DAP3: variants seen among roughly 807,000 people sequenced by gnomAD.
The protein encoded by DAP3 is small ribosomal subunit protein mS29.
DAP3 carries 28 observed loss-of-function variants against 51.9 expected under a neutral mutation model. The ratio of observed to expected loss-of-function variants is 0.54; its 90% CI spans 0.40 to 0.74. The LOEUF (loss-of-function observed/expected upper bound fraction) is 0.74, where lower values mean the gene tolerates loss of function less well. Among genes scored for constraint, DAP3 ranks in the 30% least tolerant of loss-of-function variants. The pLI is 0.00. For missense variants in DAP3, 458 were observed against 483.5 expected (o/e 0.95, Z 0.49); for synonymous variants, 170 against 170.3 (o/e 1.00, Z 0.01).
chr1:155,688,803 C>G, upstream of DAP3: 1 of 1,553,534 alleles, frequency 6.4e-7, no homozygotes, highest in Non-Finnish European at 8.7e-7. Flanking sequence ...TCCCACAGTC[C>G]CCACCGCGGG....
chr1:155,731,799 C>T, intron 10 of DAP3, 145 bp from the exon 11 acceptor site: 2 of 723,936 alleles, frequency 2.8e-6, no homozygotes, highest in Non-Finnish European at 4.4e-6. Context: ...TCTGGAATAA[C>T]CAATTTAGTT....
intron 1 of DAP3, among the ~76,000 whole-genome samples, chr1:155,704,741 G>T (rs1655733069): frequency 6.6e-6 from 1 of 152,104 alleles, no homozygotes; most frequent in Non-Finnish European, 1.5e-5. Flanking sequence ...ATACTTTGGG[G>T]GGCTGAGGCG....
chr1:155,702,790 G>A (rs112385466), intron 1 of DAP3, among the ~76,000 whole-genome samples: 5 of 152,208 alleles, frequency 3.3e-5, no homozygotes, highest in African/African-American at 7.2e-5. Context: ...CCAAGATGGC[G>A]AAACTCCGTC....
upstream of DAP3, chr1:155,688,722 C>G: frequency 3.3e-6 from 5 of 1,519,408 alleles, no homozygotes; most frequent in Non-Finnish European, 4.4e-6. Context: ...CCTCCCCGCC[C>G]GCACGGCCAC....
At chr1:155,718,743 GATAGAT>G (rs1003549013) in intron 3 of DAP3, among the ~76,000 whole-genome samples, 3 of 139,192 alleles carry the variant, frequency 2.2e-5, no homozygotes, top group East Asian at 1.9e-4. Context: ...TAGATAGATA[GATAGAT>G]ATAGATATAG....
At chr1:155,708,497 C>A (rs1656268278) in intron 1 of DAP3, among the ~76,000 whole-genome samples, 1 of 150,404 alleles carries the variant, frequency 6.6e-6, no homozygotes, top group South Asian at 2.1e-4. Context: ...GCCTATTTAA[C>A]ATTTGCTATT....
chr1:155,709,840 C>G lies in DAP3; in HGVS notation c.45+16C>G, dbSNP rs765613275. On this transcript the variant is annotated intron_variant, in intron 2 of 12. Coordinates refer to ENST00000368336, the MANE Select transcript of DAP3 (RefSeq NM_004632.4). Reference sequence around the variant, plus strand: ...GATCCATAAGGTGAGTCCTGACTGACCTGAACACTCTGTGCATACTGCCTT... The same window carrying G: ...GATCCATAAGGTGAGTCCTGACTGAGCTGAACACTCTGTGCATACTGCCTT... The G allele has an allele frequency of 3.7e-6, 6 of 1,611,832 alleles. No individual in the cohort carries two copies. Among genetic ancestry groups the G allele is most frequent in the South Asian group, 1.1e-5 (1 of 90,874 alleles).
chr1:155,725,514 C>T lies in DAP3; in HGVS notation c.379+24C>T, dbSNP rs748673513. 2.5e-6 allele frequency: 4 copies of T among 1,577,726 alleles called. No homozygotes were observed. In the South Asian group the frequency reaches 4.4e-5, roughly 17 times the overall value. ...GTGTATCCTTTCCTGCCTGCGTGGACCCTCATGAACCAATGCTTTCTCCCC... is the reference window on the plus strand; with the variant it reads ...GTGTATCCTTTCCTGCCTGCGTGGATCCTCATGAACCAATGCTTTCTCCCC... On this transcript the variant is annotated intron_variant, in intron 5 of 12. Transcript: ENST00000368336.
At chr1:155,723,912 G>T (rs1223475120) in intron 4 of DAP3, among the ~76,000 whole-genome samples, 1 of 151,962 alleles carries the variant, frequency 6.6e-6, no homozygotes, top group Admixed American at 6.6e-5. Context: ...GGTGGCACAC[G>T]CCTGTAGTCA....
intron 3 of DAP3, among the ~76,000 whole-genome samples, chr1:155,720,658 A>C (rs1462927911): frequency 6.6e-6 from 1 of 151,898 alleles, no homozygotes; most frequent in Admixed American, 6.6e-5. Context: ...CAAAAAAAAA[A>C]CAAAACAAAC....
intron 1 of DAP3, among the ~76,000 whole-genome samples, chr1:155,695,930 A>G (rs1654455805): frequency 6.6e-6 from 1 of 152,230 alleles, no homozygotes; most frequent in South Asian, 2.1e-4. Flanking sequence ...TAAGAACTGG[A>G]AAATTTTATT....
At chr1:155,692,267 A>G (rs1267561270) in intron 1 of DAP3, among the ~76,000 whole-genome samples, 1 of 141,742 alleles carries the variant, frequency 7.1e-6, no homozygotes, top group Admixed American at 6.6e-5. Context: ...CATAATGGCG[A>G]TAAGAAGGCT....
Position 155,689,103 on chromosome 1 carries a change from C to G in DAP3, c.-79C>G, listed in dbSNP as rs1272347885. The G allele has an allele frequency of 7.5e-7, 1 of 1,332,224 alleles. No homozygotes were observed. The highest frequency in any genetic ancestry group is 1.0e-6 in the Non-Finnish European group (1 of 966,528). 82.5% of individuals were successfully genotyped at this position (1,332,224 alleles called of 1,614,324 possible). ...CCGACCCTTTTTTGCAGTCTCAGGA[C>G]GGGCGCTTTGGAGCCGGCCCCAGGC... On this transcript the variant is annotated 5_prime_UTR_variant, in exon 1 of 13. Transcript: ENST00000368336.
At chr1:155,715,058 C>T (rs781625037) in intron 2 of DAP3, among the ~76,000 whole-genome samples, 1 of 151,990 alleles carries the variant, frequency 6.6e-6, no homozygotes, top group Non-Finnish European at 1.5e-5. Flanking sequence ...GAAAAATTAG[C>T]TGGGCATGGT....
In DAP3 at chr1:155,726,168, C is replaced by T. The variant is rs1571542421; in HGVS notation, c.472+149C>T. The T allele has an allele frequency of 2.8e-5, 17 of 601,026 alleles. No individual in the cohort carries two copies. The South Asian group carries it at 4.0e-4, about 14-fold the overall frequency. The allele number at this position is 601,026 out of a possible 1,614,324, so 37.2% of individuals were successfully genotyped here. A position where few individuals can be genotyped will look rare whatever the true frequency, so the allele number is the denominator to read the frequency against. Reference sequence around the variant, plus strand: ...CGCTCTTGTCGGCCAGTCTGGAGTGCAGAGGCGCAATCTCAGGTCACCGCA... The same window carrying T: ...CGCTCTTGTCGGCCAGTCTGGAGTGTAGAGGCGCAATCTCAGGTCACCGCA... On this transcript the variant is annotated intron_variant, in intron 6 of 12. Coordinates refer to ENST00000368336, the MANE Select transcript of DAP3 (RefSeq NM_004632.4).
At chr1:155,708,551 T>C (rs1368328322) in intron 1 of DAP3, among the ~76,000 whole-genome samples, 1 of 145,868 alleles carries the variant, frequency 6.9e-6, no homozygotes, top group African/African-American at 2.5e-5. Flanking sequence ...TTTTTTTTTT[T>C]TTTTTTTTGA....
chr1:155,697,236 G>A (rs1654645271), intron 1 of DAP3, among the ~76,000 whole-genome samples: 1 of 152,144 alleles, frequency 6.6e-6, no homozygotes, highest in African/African-American at 2.4e-5. Flanking sequence ...GGCAAGCTGA[G>A]TTTCAGGCTC....
At chr1:155,692,097 C>A (rs557094221) in intron 1 of DAP3, among the ~76,000 whole-genome samples, 1 of 141,976 alleles carries the variant, frequency 7.0e-6, no homozygotes, top group South Asian at 2.1e-4. Flanking sequence ...TTAAGTGAAT[C>A]TCCTTTGTGC....
chr1:155,725,903 T>A, intron 5 of DAP3, 24 bp from the exon 6 acceptor site: 1 of 1,606,442 alleles, frequency 6.2e-7, no homozygotes, highest in Non-Finnish European at 8.5e-7. Context: ...CCAGTCATGT[T>A]TTCTTTAACA....
Sources: gnomAD v4.1 joint callset for allele counts (sites outside exome capture counted in the v4.1 genomes callset) on GRCh38, gnomAD v4.1.1 for gene constraint, MANE v1.5 for transcripts, NCBI Gene and HGNC (gene_info 2026-07-23, HGNC 2026-07-21) for gene names.